BTBD7: variants seen among roughly 807,000 people sequenced by gnomAD.
BTBD7 encodes the protein BTB/POZ domain-containing protein 7.
A neutral mutation model predicts 99.9 loss-of-function variants in BTBD7; 38 were observed. That is an observed-to-expected ratio of 0.38 (90% confidence interval 0.29 to 0.50). BTBD7 has a LOEUF of 0.50. Among genes scored for constraint, BTBD7 ranks in the 20% least tolerant of loss-of-function variants. The pLI, the probability that BTBD7 is intolerant of heterozygous loss-of-function variation, is 0.93. For missense variants in BTBD7, 1,170 were observed against 1,394.6 expected (o/e 0.84, Z 2.57); for synonymous variants, 520 against 511.4 (o/e 1.02, Z -0.23).
intron 3 of BTBD7, among the ~76,000 whole-genome samples, chr14:93,281,511 A>G (rs2052719897): frequency 6.6e-6 from 1 of 152,222 alleles, no homozygotes; most frequent in Non-Finnish European, 1.5e-5. Context: ...TTTTAGTATT[A>G]TCTGTGTTAT....
chr14:93,306,113 G>A (rs1374948237), intron 1 of BTBD7, among the ~76,000 whole-genome samples: 1 of 152,154 alleles, frequency 6.6e-6, no homozygotes, highest in Non-Finnish European at 1.5e-5. Flanking sequence ...TACATATGAG[G>A]TCCTTATCAT....
In BTBD7 at chr14:93,294,749, A is replaced by G; in HGVS notation, c.271T>C (p.Ser91Pro). Residue 91 changes from serine to proline, a missense_variant, in exon 3 of 11, where the codon TCT becomes CCT. Transcript: ENST00000334746. Reference protein sequence around the residue: ...DHAKQMRELLSGWDVRDVNAL... With the variant: ...DHAKQMRELLPGWDVRDVNAL... ...TTGACATCTCTAACATCCCACCCAG[A>G]GAGGAGTTCTCGCATCTGCTTGGCA... 6.2e-7 allele frequency: 1 copy of G among 1,613,970 alleles called. No homozygotes were observed. Among genetic ancestry groups the G allele is most frequent in the Non-Finnish European group, 8.5e-7 (1 of 1,180,008 alleles).
At chr14:93,279,566 G>A (rs2052694807) in intron 3 of BTBD7, among the ~76,000 whole-genome samples, 1 of 151,758 alleles carries the variant, frequency 6.6e-6, no homozygotes. Flanking sequence ...TTTTTTCGTT[G>A]AGACAGAGTC....
rs1013834946 is a variant in BTBD7, at chr14:93,240,971, T to C, written c.*1302A>G. ...TGAAAATCGTTTAAAAGAAAACGTA[T>C]CTTTACAAACACCAAATAACATCCA... is the stretch of plus-strand genomic sequence containing the variant. On this transcript the variant is annotated 3_prime_UTR_variant, in exon 11 of 11. Coordinates refer to ENST00000334746, the MANE Select transcript of BTBD7 (RefSeq NM_001002860.4). 4.6e-5 allele frequency: 7 copies of C among 152,468 alleles called. No homozygotes were observed. Among genetic ancestry groups the C allele is most frequent in the African/African-American group, 1.7e-4 (7 of 41,448 alleles). 9.4% of individuals were successfully genotyped at this position (152,468 alleles called of 1,614,324 possible).
chr14:93,288,231 A>T (rs2052804235), intron 3 of BTBD7: 1 of 411,662 alleles, frequency 2.4e-6, no homozygotes, highest in South Asian at 6.5e-5. Flanking sequence ...CTCCTTAGAT[A>T]CTGTCTTCTC....
intron 6 of BTBD7, chr14:93,255,822 C>A (rs1344847302): frequency 6.6e-6 from 1 of 152,152 alleles, no homozygotes; most frequent in Non-Finnish European, 1.5e-5. Flanking sequence ...AACAACTGTT[C>A]AGGGGAGCAA....
chr14:93,265,643 C>T (rs1225326169), intron 3 of BTBD7, among the ~76,000 whole-genome samples: 1 of 152,190 alleles, frequency 6.6e-6, no homozygotes, highest in African/African-American at 2.4e-5. Context: ...AATTTGGGGC[C>T]GGGTGCGGCG....
chr14:93,297,757 T>C (rs1267682267), intron 1 of BTBD7, among the ~76,000 whole-genome samples: 1 of 152,236 alleles, frequency 6.6e-6, no homozygotes, highest in East Asian at 1.9e-4. Flanking sequence ...GCCTCATTTA[T>C]AGGTCAAATC....
At chr14:93,284,301 T>C (rs1419689311) in intron 3 of BTBD7, among the ~76,000 whole-genome samples, 3 of 152,218 alleles carry the variant, frequency 2.0e-5, no homozygotes, top group South Asian at 2.1e-4. Context: ...AAACTGTGAA[T>C]TAAATGGTAG....
chr14:93,281,497 A>T (rs533533652), intron 3 of BTBD7, among the ~76,000 whole-genome samples: 88 of 152,232 alleles, frequency 5.8e-4, no homozygotes, highest in African/African-American at 2.0e-3. Flanking sequence ...TAGTTCTTAA[A>T]CACTTTTAGT....
At chr14:93,304,603 C>T (rs2053048446) in intron 1 of BTBD7, among the ~76,000 whole-genome samples, 2 of 152,174 alleles carry the variant, frequency 1.3e-5, no homozygotes, top group African/African-American at 4.8e-5. Context: ...CTGCCGGCCT[C>T]GTCTTCCCAG....
intron 5 of BTBD7, among the ~76,000 whole-genome samples, chr14:93,260,114 G>A (rs1263697568): frequency 6.6e-6 from 1 of 152,066 alleles, no homozygotes; most frequent in Middle Eastern, 3.2e-3. Flanking sequence ...TTGGATAGTA[G>A]CATATTAAAG....
chr14:93,287,321 C>T (rs1351826177), intron 3 of BTBD7, among the ~76,000 whole-genome samples: 2 of 124,334 alleles, frequency 1.6e-5, no homozygotes, highest in Non-Finnish European at 3.4e-5. Context: ...TAAACCCCCC[C>T]GCCCCCCCAC....
chr14:93,249,567 G>C (rs2139682275), intron 8 of BTBD7, among the ~76,000 whole-genome samples: 1 of 152,318 alleles, frequency 6.6e-6, no homozygotes, highest in Admixed American at 6.5e-5. Context: ...TGCTGTGACT[G>C]GTAGGCTAAA....
At chr14:93,247,937 T>C (rs965257588) in intron 9 of BTBD7, among the ~76,000 whole-genome samples, 22 of 152,144 alleles carry the variant, frequency 1.4e-4, no homozygotes, top group Non-Finnish European at 5.9e-5. Context: ...TCTTATAAGA[T>C]GGAAAACAGA....
rs149701399 is a variant in BTBD7 at position 93,260,987 on chromosome 14, T to C, written c.1447+615A>G. ...CTCACTGCAACCTCTGCCTCCCAGG[T>C]TCAAGTGATTCTCATGCCTCAGTCT... On this transcript the variant is annotated intron_variant, in intron 5 of 10. Transcript: ENST00000334746. Among the ~76,000 whole-genome samples, 214 of 152,212 alleles carry C rather than the reference T, an allele frequency of 1.4e-3. 1 individual carries two copies. Among genetic ancestry groups the C allele is most frequent in the African/African-American group, 4.9e-3 (204 of 41,546 alleles).
chr14:93,307,808 A>AT (rs2053088304), intron 1 of BTBD7, among the ~76,000 whole-genome samples: 1 of 152,158 alleles, frequency 6.6e-6, no homozygotes, highest in Non-Finnish European at 1.5e-5. Context: ...TCAACACTAA[A>AT]TCCTCACCAC....
At position 93,257,174 on chromosome 14, in the gene BTBD7, T is replaced by C. The variant is rs747613445; in HGVS notation, c.1608+21A>G. ...GGCATTTTTCTTTTCATGAAAGGAA[T>C]ACATGGAGAAAAACACTTACTGCAT... is the stretch of plus-strand genomic sequence containing the variant. On this transcript the variant is annotated intron_variant, in intron 6 of 10. Transcript: ENST00000334746. 1.8e-5 allele frequency: 29 copies of C among 1,605,000 alleles called. No individual in the cohort carries two copies. The South Asian group carries it at 3.2e-4, about 17-fold the overall frequency.
chr14:93,318,132 C>G (rs539667811), intron 1 of BTBD7, among the ~76,000 whole-genome samples: 1 of 152,154 alleles, frequency 6.6e-6, no homozygotes, highest in Non-Finnish European at 1.5e-5. Flanking sequence ...GGTGATCTTG[C>G]GGATTCAAAA....
Sources: allele counts gnomAD v4.1 joint callset (sites outside exome capture counted in the v4.1 genomes callset), GRCh38; gene constraint gnomAD v4.1.1; transcripts MANE v1.5; gene names NCBI Gene and HGNC (gene_info 2026-07-23, HGNC 2026-07-21).